Variants in FAN1 observed in about 807,000 individuals in gnomAD.
FAN1 encodes fanconi-associated nuclease 1.
FAN1 carries 91 observed loss-of-function variants against 104.9 expected under a neutral mutation model. That is an observed-to-expected ratio of 0.87 (90% CI 0.73 to 1.03). The LOEUF (loss-of-function observed/expected upper bound fraction) is 1.03, where lower values mean the gene tolerates loss of function less well. FAN1 is among the 50% of genes least tolerant of loss of function. The pLI is 0.00. For synonymous variants in FAN1, 478 were observed against 457.6 expected (o/e 1.04, Z -0.57); for missense variants, 1,263 against 1,239.9 (o/e 1.02, Z -0.28).
Position 30,918,261 on chromosome 15 carries a change from G to A in FAN1, c.1909G>A (p.Asp637Asn), listed in dbSNP as rs748861913. 111 of 1,614,008 alleles carry A rather than the reference G, an allele frequency of 6.9e-5. 1 individual carries two copies. Among genetic ancestry groups the A allele is most frequent in the Non-Finnish European group, 1.2e-5 (14 of 1,180,020 alleles). The change falls in exon 6 of 15, where the codon GAT becomes AAT. Residue 637 changes from aspartate (D) to asparagine (N), a missense_variant. By Grantham distance (23) the Asp-to-Asn change is conservative. Coordinates refer to ENST00000362065, the MANE Select transcript of FAN1 (RefSeq NM_014967.5). ...GGAGCTCGCTCAGTGTGCAAAAAGG[G>A]ATTGGAACAGACTGAAAAACCACCC... ...AKELAQCAKR[D>N]WNRLKNHPSL...
chr15:30,915,815 GA>G (rs1028268631), intron 5 of FAN1, among the ~76,000 whole-genome samples: 6 of 149,960 alleles, frequency 4.0e-5, no homozygotes, highest in Non-Finnish European at 7.4e-5. Flanking sequence ...TAGGTCTTAG[GA>G]AAAAAAATTT....
intron 4 of FAN1, among the ~76,000 whole-genome samples, chr15:30,913,112 A>G (rs2062132079): frequency 6.6e-6 from 1 of 152,210 alleles, no homozygotes; most frequent in Non-Finnish European, 1.5e-5. Flanking sequence ...TGGGCCACAC[A>G]GCAGAAGGTG....
At chr15:30,940,560 G>A (rs1044337688) in intron 14 of FAN1, 2 of 985,502 alleles carry the variant, frequency 2.0e-6, no homozygotes, top group Non-Finnish European at 2.4e-6. Context: ...AGCCCAGCAC[G>A]CCTCCCAGCA....
chr15:30,927,099 C>A, intron 10 of FAN1: 1 of 937,600 alleles, frequency 1.1e-6, no homozygotes, highest in Non-Finnish European at 1.3e-6. Flanking sequence ...ATCACTTGAA[C>A]TCTGAAGACG....
At chr15:30,941,293 T>C (rs1039314896) in intron 14 of FAN1, 1 of 1,512,898 alleles carries the variant, frequency 6.6e-7, no homozygotes, top group Non-Finnish European at 8.8e-7. Flanking sequence ...AATTTACATC[T>C]CTCTTAAAAT....
chr15:30,937,213 G>T lies in FAN1; in HGVS notation c.3011G>T (p.Cys1004Phe), dbSNP rs751013259. 6.2e-7 allele frequency: 1 copy of T among 1,614,138 alleles called. No individual in the cohort carries two copies. The highest frequency in any genetic ancestry group is 8.5e-7 in the Non-Finnish European group (1 of 1,180,004). Residue 1004 changes from cysteine to phenylalanine, a missense_variant, in exon 14 of 15, where the codon TGC becomes TTC. Physicochemically the swap from Cys to Phe is radical, Grantham distance 205 (BLOSUM62 -2). This residue lies in a region of FAN1 where 581 missense variants were observed against 668.8 expected (regional missense o/e 0.87). Transcript: ENST00000362065. ...AAGCTGGGGGCTGAAGTAGAAGTCT[G>T]CCATGTGGTTGCAGTTGGAGCTAAG... The part of the protein sequence containing the change: ...LQKLGAEVEV[C>F]HVVAVGAKSQ...
intron 8 of FAN1, 63 bp from the exon 9 acceptor site, chr15:30,925,064 A>G (rs1444969135): frequency 6.6e-7 from 1 of 1,519,754 alleles, no homozygotes; most frequent in East Asian, 2.3e-5. Context: ...CTGTCAAACT[A>G]AATGCATGGA....
chr15:30,909,474 C>T (rs996609511), intron 3 of FAN1, among the ~76,000 whole-genome samples: 1 of 152,210 alleles, frequency 6.6e-6, no homozygotes, highest in African/African-American at 2.4e-5. Context: ...CAGTCCCCAC[C>T]TGACTTGGAA....
intron 3 of FAN1, among the ~76,000 whole-genome samples, chr15:30,908,496 G>A (rs1014340379): frequency 6.6e-6 from 1 of 152,206 alleles, no homozygotes; most frequent in Admixed American, 6.5e-5. Flanking sequence ...TTTCTTGACT[G>A]TGGCAGGTTT....
rs758554021 is a variant in FAN1, at chr15:30,925,205, G to A, written c.2251G>A (p.Val751Met). The change falls in exon 9 of 15, where the codon GTG becomes ATG. Residue 751 changes from valine (V) to methionine (M), a missense_variant. Physicochemically the swap from Val to Met is conservative, Grantham distance 21 (BLOSUM62 1). Transcript: ENST00000362065. ...GHRLSLYQRA[V>M]RLRESPSCKK... ...CCGCCTTTCACTGTATCAGCGAGCC[G>A]TGCGCCTGCGAGAGTCTCCGAGCTG... 1.3e-5 allele frequency: 21 copies of A among 1,613,928 alleles called. No individual in the cohort carries two copies. The South Asian group carries it at 1.4e-4, about 11-fold the overall frequency.
At chr15:30,919,745 C>T (rs575884585) in intron 6 of FAN1, among the ~76,000 whole-genome samples, 1 of 150,862 alleles carries the variant, frequency 6.6e-6, no homozygotes, top group East Asian at 1.9e-4. Context: ...ATTTACTGTT[C>T]GTTAAGTGGA....
chr15:30,930,388 C>G (rs888227828), intron 12 of FAN1, among the ~76,000 whole-genome samples, 155 bp from the exon 13 acceptor site: 1 of 152,214 alleles, frequency 6.6e-6, no homozygotes, highest in African/African-American at 2.4e-5. Flanking sequence ...CTCTGCAGCT[C>G]TGGTACAAGC....
rs201033188 is a variant in FAN1, at chr15:30,930,582, G to A, written c.2827G>A (p.Val943Met). 2.2e-5 allele frequency: 35 copies of A among 1,612,076 alleles called. 1 individual carries two copies. The South Asian group carries it at 3.3e-4, about 15-fold the overall frequency. Reference protein sequence around the residue: ...SCLGGPVLSGVCRHLAADFRH... With the variant: ...SCLGGPVLSGMCRHLAADFRH... ...CCTGGGGGGCCCTGTGCTCAGTGGTGTGTGCAGGCACCTGGCTGCTGACTT... is the reference window on the plus strand; with the variant it reads ...CCTGGGGGGCCCTGTGCTCAGTGGTATGTGCAGGCACCTGGCTGCTGACTT... The change falls in exon 13 of 15, where the codon GTG becomes ATG. Residue 943 changes from valine (V) to methionine (M), a missense_variant. Around this residue, in one of 2 missense-constraint regions of FAN1, gnomAD observed 581 missense variants for 668.8 expected, o/e 0.87. Coordinates refer to ENST00000362065, the MANE Select transcript of FAN1 (RefSeq NM_014967.5).
At chr15:30,933,311 T>C (rs1270257823) in intron 13 of FAN1, among the ~76,000 whole-genome samples, 12 of 152,220 alleles carry the variant, frequency 7.9e-5, no homozygotes, top group Non-Finnish European at 5.9e-5. Context: ...CTCACAAATT[T>C]AGTAGTTGTT....
At chr15:30,926,992 CA>C in intron 10 of FAN1, 2 of 985,410 alleles carry the variant, frequency 2.0e-6, no homozygotes, top group Non-Finnish European at 2.4e-6. Context: ...ACTTATAACA[CA>C]AATGCACAGC....
chr15:30,905,261 G>C lies in FAN1; in HGVS notation c.598G>C (p.Glu200Gln), dbSNP rs369093658. 6.2e-7 allele frequency: 1 copy of C among 1,614,046 alleles called. No individual in the cohort carries two copies. Among genetic ancestry groups the C allele is most frequent in the Non-Finnish European group, 8.5e-7 (1 of 1,180,030 alleles). Reference sequence around the variant, plus strand: ...CCTGATTGATAACTCTTCAGAAATTGAGGACGAGGATCAAATTTTGGAGAA... The same window carrying C: ...CCTGATTGATAACTCTTCAGAAATTCAGGACGAGGATCAAATTTTGGAGAA... ...KSLIDNSSEI[E>Q]DEDQILENSS... The change falls in exon 2 of 15, where the codon GAG becomes CAG. Residue 200 changes from glutamate to glutamine, a missense_variant. Coordinates refer to ENST00000362065, the MANE Select transcript of FAN1 (RefSeq NM_014967.5).
At chr15:30,904,399 T>C (rs931397637) in intron 1 of FAN1, 113 bp from the exon 2 acceptor site, 22 of 550,200 alleles carry the variant, frequency 4.0e-5, no homozygotes, top group South Asian at 2.1e-5. Flanking sequence ...TGTCTCACGC[T>C]CAGGGTTGTC....
chr15:30,926,866 G>T, intron 10 of FAN1: 4 of 985,394 alleles, frequency 4.1e-6, no homozygotes, highest in Non-Finnish European at 4.8e-6. Context: ...AATCGATGCC[G>T]TGAAACTGGG....
rs1242127569 is a variant in FAN1 at position 30,905,365 on chromosome 15, T to C, written c.702T>C (p.Ser234=). 1 of 1,613,904 alleles carries C rather than the reference T, an allele frequency of 6.2e-7. No individual in the cohort carries two copies. The highest frequency in any genetic ancestry group is 1.1e-5 in the South Asian group (1 of 91,070). ...TTCCTGAACATATGGTAAGAGGAAG[T>C]AAAATAATGGAAGCCGAAAGCCAAA... ...ECIPEHMVRG[S]KIMEAESQKA... Residue 234 remains serine, a synonymous_variant, in exon 2 of 15, where the codon AGT becomes AGC. Transcript: ENST00000362065.
Sources: gnomAD v4.1 joint callset for allele counts (sites outside exome capture counted in the v4.1 genomes callset) on GRCh38, gnomAD v4.1.1 for gene constraint, gnomAD v4.1.1 regional missense constraint, MANE v1.5 for transcripts, NCBI Gene and HGNC (gene_info 2026-07-23, HGNC 2026-07-21) for gene names.